The following IGF1R variants were observed in gnomAD, a reference collection of about 807,000 sequenced individuals.
IGF1R encodes the protein insulin like growth factor 1 receptor, also known as insulin-like growth factor 1 receptor.
In IGF1R, 44 loss-of-function variants were observed where a neutral mutation model predicts 144.6. The observed-to-expected ratio is 0.30, with a 90% CI of 0.24 to 0.39. The LOEUF (loss-of-function observed/expected upper bound fraction) is 0.39. Ranked by LOEUF, IGF1R falls within the 10% of genes least tolerant of loss-of-function variation. The pLI, the probability that IGF1R is intolerant of heterozygous loss-of-function variation, is 1.00. For missense variants in IGF1R, 1,355 were observed against 1,833.7 expected (o/e 0.74, Z 4.77); for synonymous variants, 795 against 722.8 (o/e 1.10, Z -1.60).
chr15:98,670,877 G>C (rs922752745), intron 1 of IGF1R, among the ~76,000 whole-genome samples: 1 of 152,146 alleles, frequency 6.6e-6, no homozygotes, highest in Admixed American at 6.5e-5. Flanking sequence ...CCTGCCGGTA[G>C]AATTGATATG....
chr15:98,749,001 C>G (rs973534441), intron 2 of IGF1R, among the ~76,000 whole-genome samples: 5 of 152,126 alleles, frequency 3.3e-5, no homozygotes, highest in Non-Finnish European at 5.9e-5. Context: ...TGGGAATTAT[C>G]TCTTTTCTTT....
intron 2 of IGF1R, among the ~76,000 whole-genome samples, chr15:98,757,766 AG>A (rs1370347502): frequency 6.6e-6 from 1 of 152,202 alleles, no homozygotes; most frequent in Non-Finnish European, 1.5e-5. Flanking sequence ...GTTCTCTAAT[AG>A]GGACGTTCTG....
chr15:98,751,345 G>A (rs563670690), intron 2 of IGF1R, among the ~76,000 whole-genome samples: 23 of 152,080 alleles, frequency 1.5e-4, no homozygotes, highest in Non-Finnish European at 2.2e-4. Context: ...GATTACAGGT[G>A]TGCATCACCA....
At chr15:98,833,323 C>T (rs936021256) in intron 2 of IGF1R, among the ~76,000 whole-genome samples, 7 of 152,146 alleles carry the variant, frequency 4.6e-5, no homozygotes, top group African/African-American at 1.4e-4. Flanking sequence ...CTGGTTGATT[C>T]AGTACTTGTG....
At chr15:98,665,579 C>T (rs780262388) in intron 1 of IGF1R, among the ~76,000 whole-genome samples, 4 of 152,170 alleles carry the variant, frequency 2.6e-5, no homozygotes, top group African/African-American at 4.8e-5. Context: ...ACTATGTTTC[C>T]AGCCAAAATT....
At chr15:98,722,859 G>T (rs767281139) in intron 2 of IGF1R, among the ~76,000 whole-genome samples, 2 of 152,180 alleles carry the variant, frequency 1.3e-5, no homozygotes, top group South Asian at 4.1e-4. Flanking sequence ...TCCTGCCTGT[G>T]TGGGCAGGAG....
chr15:98,654,729 C>A (rs975904771), intron 1 of IGF1R, among the ~76,000 whole-genome samples: 5 of 152,182 alleles, frequency 3.3e-5, no homozygotes, highest in African/African-American at 1.2e-4. Flanking sequence ...AGGACAGGTG[C>A]TGAGTCCAGG....
At chr15:98,857,206 CTTTATTTA>C (rs748415512) in intron 2 of IGF1R, among the ~76,000 whole-genome samples, 3 of 152,032 alleles carry the variant, frequency 2.0e-5, no homozygotes, top group Non-Finnish European at 2.9e-5. Flanking sequence ...TTGTGTACAT[CTTTATTTA>C]TTTATTTATT....
At chr15:98,763,328 T>C (rs2055354693) in intron 2 of IGF1R, among the ~76,000 whole-genome samples, 2 of 152,218 alleles carry the variant, frequency 1.3e-5, no homozygotes, top group African/African-American at 2.4e-5. Context: ...CACTTTCCTT[T>C]TGTTAATTTT....
intron 14 of IGF1R, 40 bp downstream of exon 14, chr15:98,929,700 G>A (rs2015866959): frequency 7.5e-7 from 1 of 1,335,200 alleles, no homozygotes; most frequent in Non-Finnish European, 1.1e-6. Flanking sequence ...CTGTGGCTGA[G>A]TGGTTTGATG....
chr15:98,672,203 T>G (rs1184781566), intron 1 of IGF1R, among the ~76,000 whole-genome samples: 1 of 152,200 alleles, frequency 6.6e-6, no homozygotes, highest in Non-Finnish European at 1.5e-5. Context: ...AGGAGAAGGA[T>G]CCAAAGTAAC....
At position 98,913,242 on chromosome 15, in the gene IGF1R, G is replaced by C. The variant is rs1280926555; in HGVS notation, c.1788G>C (p.Gly596=). ...LTMVENDHIR[G]AKSEILYIRT... The stretch of plus-strand genomic sequence containing the variant: ...TGGTGGAGAACGACCATATCCGTGG[G>C]GCCAAGAGTGAGATCTTGTACATTC... The change falls in exon 8 of 21, where the codon GGG becomes GGC. Residue 596 remains glycine, a synonymous_variant. Transcript: ENST00000650285. The C allele has an allele frequency of 4.3e-6, 7 of 1,614,150 alleles. No individual in the cohort carries two copies. In the South Asian group the frequency reaches 7.7e-5, roughly 18 times the overall value.
At chr15:98,672,749 A>C (rs1312355009) in intron 1 of IGF1R, among the ~76,000 whole-genome samples, 3 of 152,166 alleles carry the variant, frequency 2.0e-5, no homozygotes, top group African/African-American at 7.2e-5. Flanking sequence ...AGTAGTTCTG[A>C]TTGGGTTAAC....
At position 98,717,222 on chromosome 15, in the gene IGF1R, A is replaced by C. The variant is rs529694551; in HGVS notation, c.640+9115A>C. On this transcript the variant is annotated intron_variant, in intron 2 of 20. Coordinates refer to ENST00000650285, the MANE Select transcript of IGF1R (RefSeq NM_000875.5). ...TGCCTCAGGTATGTGGTGCTAGGAC[A>C]AAGCTGCCAGACCTCACCTTCCTTC... is the stretch of plus-strand genomic sequence containing the variant. Among the ~76,000 whole-genome samples, 7 of 152,308 alleles carry C rather than the reference A, an allele frequency of 4.6e-5. 1 individual carries two copies. The South Asian group carries it at 1.5e-3, about 32-fold the overall frequency.
chr15:98,818,979 C>G (rs375658456), intron 2 of IGF1R, among the ~76,000 whole-genome samples: 3 of 152,116 alleles, frequency 2.0e-5, no homozygotes, highest in African/African-American at 7.2e-5. Context: ...TTGGACAGAA[C>G]AGGGGGTGGA....
rs11542591 is a variant in IGF1R at position 98,962,988 on chromosome 15, T to C, written c.*5546T>C. The C allele has an allele frequency of 8.6e-6, 2 of 233,718 alleles. No homozygotes were observed. Among genetic ancestry groups the C allele is most frequent in the African/African-American group, 4.4e-5 (2 of 45,476 alleles). The allele number at this position is 233,718 out of a possible 1,614,324, so 14.5% of individuals were successfully genotyped here. On this transcript the variant is annotated 3_prime_UTR_variant, in exon 21 of 21. Coordinates refer to ENST00000650285, the MANE Select transcript of IGF1R (RefSeq NM_000875.5). ...TGTGTCCGCATCTTTCTGGTCAACA[T>C]TGTTTTAACTAGTCACTCATTAGCG...
At chr15:98,913,497 G>C (rs1355232965) in intron 8 of IGF1R, among the ~76,000 whole-genome samples, 2 of 152,190 alleles carry the variant, frequency 1.3e-5, no homozygotes, top group Admixed American at 6.5e-5. Flanking sequence ...ATCATCTCCT[G>C]CTTTGTGCCT....
intron 2 of IGF1R, among the ~76,000 whole-genome samples, chr15:98,833,396 A>G (rs1006566405): frequency 6.6e-6 from 1 of 152,018 alleles, no homozygotes; most frequent in Non-Finnish European, 1.5e-5. Flanking sequence ...ACACCTTCCT[A>G]ATGTTTGTTC....
intron 2 of IGF1R, among the ~76,000 whole-genome samples, chr15:98,737,076 G>C (rs2054628797): frequency 6.6e-6 from 1 of 152,170 alleles, no homozygotes; most frequent in Non-Finnish European, 1.5e-5. Context: ...TAGTCTTTTG[G>C]GGAGTTGAGT....
Sources: allele counts gnomAD v4.1 joint callset (sites outside exome capture counted in the v4.1 genomes callset), GRCh38; gene constraint gnomAD v4.1.1; transcripts MANE v1.5; gene names NCBI Gene and HGNC (gene_info 2026-07-23, HGNC 2026-07-21).